ARHGEF26: variants seen among roughly 807,000 people sequenced by gnomAD.
The protein encoded by ARHGEF26 is Rho guanine nucleotide exchange factor 26, also known as Rho guanine nucleotide exchange factor (GEF) 26.
ARHGEF26 carries 59 observed loss-of-function variants against 89.4 expected under a neutral mutation model. That is an observed-to-expected ratio of 0.66 (90% CI 0.54 to 0.82). The LOEUF (loss-of-function observed/expected upper bound fraction) is 0.82, where lower values mean the gene tolerates loss of function less well. ARHGEF26 is among the 40% of genes least tolerant of loss of function. The pLI, the probability that ARHGEF26 is intolerant of heterozygous loss-of-function variation, is 0.00. For synonymous variants in ARHGEF26, 500 were observed against 428.4 expected (o/e 1.17, Z -2.06); for missense variants, 1,234 against 1,085.6 (o/e 1.14, Z -1.92).
In ARHGEF26 at chr3:154,254,837, G is replaced by T. The variant is rs764581117; in HGVS notation, c.2473+13G>T. Reference sequence around the variant, plus strand: ...CGTGTCAGCGATGGTGAGTGGGAGCGTTCTTATGGGACACTCGTGGTCCAG... The same window carrying T: ...CGTGTCAGCGATGGTGAGTGGGAGCTTTCTTATGGGACACTCGTGGTCCAG... On this transcript the variant is annotated intron_variant, in intron 14 of 14. Coordinates refer to ENST00000465093, the MANE Select transcript of ARHGEF26 (RefSeq NM_015595.4). The T allele has an allele frequency of 3.1e-6, 5 of 1,609,094 alleles. No homozygotes were observed. In the South Asian group the frequency reaches 5.5e-5, roughly 18 times the overall value.
At chr3:154,147,817 C>T (rs761223220) in intron 4 of ARHGEF26, among the ~76,000 whole-genome samples, 12 of 152,136 alleles carry the variant, frequency 7.9e-5, no homozygotes, top group Non-Finnish European at 1.2e-4. Context: ...CTCCCTTCCT[C>T]TCTGCCTTTC....
intron 4 of ARHGEF26, among the ~76,000 whole-genome samples, chr3:154,146,477 A>G (rs2108085116): frequency 6.6e-6 from 1 of 152,330 alleles, no homozygotes; most frequent in Admixed American, 6.5e-5. Flanking sequence ...TACAAATTTC[A>G]TAAACTATGT....
rs1388082484 is a variant in ARHGEF26 at position 154,257,127 on chromosome 3, T to TCA, written c.*1659_*1660dup. 5.5e-6 allele frequency: 5 copies of TCA among 916,806 alleles called. No individual in the cohort carries two copies. The highest frequency in any genetic ancestry group is 7.8e-6 in the Non-Finnish European group (5 of 644,100). 56.8% of individuals were successfully genotyped at this position (916,806 alleles called of 1,614,324 possible). A position where few individuals can be genotyped will look rare whatever the true frequency, so the allele number is the denominator to read the frequency against. On this transcript the variant is annotated 3_prime_UTR_variant, in exon 15 of 15. Transcript: ENST00000465093. ...CAGTTGAGGGGTAAGTGTGCCTGGCTCACACAGCCTGCACCCTGTCACCTC... is the reference window on the plus strand; with the variant it reads ...CAGTTGAGGGGTAAGTGTGCCTGGCTCACACACAGCCTGCACCCTGTCACCTC...
chr3:154,185,391 G>A (rs1374164166), intron 6 of ARHGEF26, among the ~76,000 whole-genome samples: 8 of 152,032 alleles, frequency 5.3e-5, no homozygotes, highest in Non-Finnish European at 1.2e-4. Flanking sequence ...AAAGTTGTGG[G>A]GGGATTTCCA....
chr3:154,125,996 CAT>C (rs960732077), intron 3 of ARHGEF26, among the ~76,000 whole-genome samples: 39 of 152,186 alleles, frequency 2.6e-4, no homozygotes, highest in Admixed American at 2.0e-3. Context: ...TGAGCCACCT[CAT>C]GTGTGAAATG....
chr3:154,132,349 T>C (rs1718730986), intron 4 of ARHGEF26, among the ~76,000 whole-genome samples: 1 of 152,152 alleles, frequency 6.6e-6, no homozygotes, highest in Admixed American at 6.5e-5. Flanking sequence ...CCCTCCTTCC[T>C]TTCCAGTTCT....
chr3:154,159,727 G>A (rs1186991907), intron 6 of ARHGEF26, among the ~76,000 whole-genome samples: 1 of 151,920 alleles, frequency 6.6e-6, no homozygotes, highest in South Asian at 2.1e-4. Flanking sequence ...TTTCTATTTG[G>A]TAATTAAAAT....
intron 6 of ARHGEF26, among the ~76,000 whole-genome samples, chr3:154,155,051 C>T (rs1392501693): frequency 3.3e-5 from 5 of 151,918 alleles, no homozygotes; most frequent in African/African-American, 1.2e-4. Context: ...TGAATGCTTG[C>T]TTCCCCAGAG....
At chr3:154,188,400 A>G (rs1713727080) in intron 7 of ARHGEF26, among the ~76,000 whole-genome samples, 1 of 152,246 alleles carries the variant, frequency 6.6e-6, no homozygotes, top group Non-Finnish European at 1.5e-5. Flanking sequence ...TATGCAGCAA[A>G]AGAGTTAAGC....
At chr3:154,232,544 T>C (rs2108270599) in intron 11 of ARHGEF26, among the ~76,000 whole-genome samples, 1 of 152,310 alleles carries the variant, frequency 6.6e-6, no homozygotes, top group Admixed American at 6.5e-5. Flanking sequence ...CTTGGTCCAC[T>C]TGTGCATTTG....
Position 154,122,582 on chromosome 3 carries a change from A to T in ARHGEF26, c.590A>T (p.Asp197Val). 2 of 1,613,538 alleles carry T rather than the reference A, an allele frequency of 1.2e-6. No individual in the cohort carries two copies. The highest frequency in any genetic ancestry group is 8.5e-7 in the Non-Finnish European group (1 of 1,179,878). The change falls in exon 2 of 15, where the codon GAC becomes GTC. Residue 197 changes from aspartate (D) to valine (V), a missense_variant. Coordinates refer to ENST00000465093, the MANE Select transcript of ARHGEF26 (RefSeq NM_015595.4). Reference protein sequence around the residue: ...SGSQSGRKAKDPERGLFPGPQ... With the variant: ...SGSQSGRKAKVPERGLFPGPQ... Reference sequence around the variant, plus strand: ...TCGCAGTCCGGCCGGAAGGCAAAGGACCCCGAACGGGGGCTCTTTCCTGGG... The same window carrying T: ...TCGCAGTCCGGCCGGAAGGCAAAGGTCCCCGAACGGGGGCTCTTTCCTGGG...
chr3:154,143,064 A>G (rs934595812), intron 4 of ARHGEF26, among the ~76,000 whole-genome samples: 4 of 151,968 alleles, frequency 2.6e-5, no homozygotes, highest in African/African-American at 9.7e-5. Flanking sequence ...TGTCTGCCCT[A>G]CTCGTTTTGT....
rs183013980 is a variant in ARHGEF26, at chr3:154,182,607, A to G, written c.1488-5078A>G. Reference sequence around the variant, plus strand: ...GTAATTTATTTGCTGAGACCATTCAACATTAATCTTGGAAAATGATCTTTT... The same window carrying G: ...GTAATTTATTTGCTGAGACCATTCAGCATTAATCTTGGAAAATGATCTTTT... On this transcript the variant is annotated intron_variant, in intron 6 of 14. Coordinates refer to ENST00000465093, the MANE Select transcript of ARHGEF26 (RefSeq NM_015595.4). Among the ~76,000 whole-genome samples the G allele has an allele frequency of 1.6e-3, 246 of 152,290 alleles. 1 individual carries two copies. Among genetic ancestry groups the G allele is most frequent in the Admixed American group, 2.9e-3 (44 of 15,294 alleles).
intron 8 of ARHGEF26, among the ~76,000 whole-genome samples, chr3:154,193,962 G>GT (rs1386779736): frequency 6.6e-6 from 1 of 151,948 alleles, no homozygotes; most frequent in Non-Finnish European, 1.5e-5. Context: ...AGCCTCCTGA[G>GT]TAGCTGGGAC....
intron 12 of ARHGEF26, among the ~76,000 whole-genome samples, chr3:154,243,070 G>C (rs1044373268): frequency 3.9e-5 from 6 of 152,122 alleles, no homozygotes; most frequent in Admixed American, 3.9e-4. Context: ...TCCAAAAGTG[G>C]TTTAAACCTC....
At chr3:154,164,852 T>G (rs6771584) in intron 6 of ARHGEF26, among the ~76,000 whole-genome samples, 22,060 of 152,152 alleles carry the variant, frequency 0.14, 1,910 homozygotes, top group East Asian at 0.36. Flanking sequence ...AAATCTGCTG[T>G]GAATAAGATG....
chr3:154,121,881 G>A, intron 1 of ARHGEF26, 61 bp from the exon 2 acceptor site: 3 of 1,415,780 alleles, frequency 2.1e-6, no homozygotes, highest in South Asian at 3.0e-5. Flanking sequence ...GGGAGCACGC[G>A]AGTCGGCCAG....
chr3:154,222,153 C>T (rs1180428405), intron 10 of ARHGEF26, among the ~76,000 whole-genome samples: 1 of 152,114 alleles, frequency 6.6e-6, no homozygotes, highest in Non-Finnish European at 1.5e-5. Context: ...ATCTTTGACT[C>T]CAGAGTCCAC....
chr3:154,179,704 T>A (rs971336232), intron 6 of ARHGEF26, among the ~76,000 whole-genome samples: 3 of 152,094 alleles, frequency 2.0e-5, no homozygotes, highest in Admixed American at 1.3e-4. Context: ...CTTTCTGGGA[T>A]GGATGAAGCT....
Sources: allele counts gnomAD v4.1 joint callset (sites outside exome capture counted in the v4.1 genomes callset), GRCh38; gene constraint gnomAD v4.1.1; transcripts MANE v1.5; gene names NCBI Gene and HGNC (gene_info 2026-07-23, HGNC 2026-07-21).